NPIPB2: variants seen among roughly 807,000 people sequenced by gnomAD.
NPIPB2 encodes nuclear pore complex-interacting protein family member B2.
A neutral mutation model predicts 30.8 loss-of-function variants in NPIPB2; 27 were observed. The ratio of observed to expected loss-of-function variants is 0.88; its 90% CI spans 0.65 to 1.21. The LOEUF is 1.21. Ranked by LOEUF, NPIPB2 falls within the 50% of genes most tolerant of loss-of-function variation. The pLI is 0.00. For synonymous variants in NPIPB2, 147 were observed against 162.0 expected, an observed-to-expected ratio of 0.91 and a Z score of 0.70; for missense variants, 440 against 446.2, an observed-to-expected ratio of 0.99 and a Z score of 0.13.
intron 1 of NPIPB2, among the ~76,000 whole-genome samples, chr16:11,976,262 C>T (rs1335527337): frequency 6.6e-6 from 1 of 152,156 alleles, no homozygotes; most frequent in African/African-American, 2.4e-5. Context: ...TCCTGTCAAC[C>T]CCTCCAGGCA....
intron 4 of NPIPB2, among the ~76,000 whole-genome samples, chr16:11,933,299 C>G (rs1325247814): frequency 1.3e-5 from 2 of 151,090 alleles, no homozygotes; most frequent in Non-Finnish European, 2.9e-5. Context: ...AATGCCAGTA[C>G]TAGCAACTCC....
At chr16:11,931,799 G>C (rs539345739) in intron 4 of NPIPB2, among the ~76,000 whole-genome samples, 1 of 151,520 alleles carries the variant, frequency 6.6e-6, no homozygotes, top group Admixed American at 6.6e-5. Flanking sequence ...ACCCATGATT[G>C]AATACATCAA....
At position 11,965,171 on chromosome 16, in the gene NPIPB2, A is replaced by G. The variant is rs1442232738; in HGVS notation, c.-584+11397T>C. ...AAATCCTTAGCTGCCGCGAAGACACAGACAGCCCCCGTAAGAACCCACGAA... is the reference window on the plus strand; with the variant it reads ...AAATCCTTAGCTGCCGCGAAGACACGGACAGCCCCCGTAAGAACCCACGAA... On this transcript the variant is annotated intron_variant, in intron 1 of 5. Coordinates refer to the NPIPB2 transcript ENST00000538896. 9.0e-6 allele frequency: 8 copies of G among 888,822 alleles called. No homozygotes were observed. The African/African-American group carries it at 1.0e-4, about 11-fold the overall frequency. The allele number at this position is 888,822 out of a possible 1,614,324, so 55.1% of individuals were successfully genotyped here.
intron 1 of NPIPB2, among the ~76,000 whole-genome samples, chr16:11,947,691 A>C (rs1050849760): frequency 1.3e-5 from 2 of 152,036 alleles, no homozygotes; most frequent in African/African-American, 2.4e-5. Context: ...TTCTAGATGA[A>C]AAAAATAAAA....
intron 1 of NPIPB2, among the ~76,000 whole-genome samples, chr16:11,969,382 G>A (rs570889306): frequency 2.0e-5 from 3 of 152,030 alleles, no homozygotes; most frequent in Admixed American, 1.3e-4. Flanking sequence ...TCAGCCACCC[G>A]AGTAGCTGGG....
intron 1 of NPIPB2, among the ~76,000 whole-genome samples, chr16:11,960,902 C>T (rs942956556): frequency 6.6e-6 from 1 of 150,898 alleles, no homozygotes; most frequent in African/African-American, 2.4e-5. Flanking sequence ...GGTCTCACTC[C>T]GTAGCCCAGA....
intron 1 of NPIPB2, chr16:11,965,144 T>C (rs2055183023): frequency 5.7e-6 from 4 of 695,924 alleles, no homozygotes; most frequent in Non-Finnish European, 9.7e-6. Context: ...GATGTGGTAT[T>C]CAAATCCTTA....
chr16:11,975,443 G>C lies in NPIPB2; in HGVS notation c.-584+1125C>G, dbSNP rs184544241. 2.0e-3 allele frequency among the ~76,000 whole-genome samples: 306 copies of C among 151,918 alleles called. 2 individuals carry two copies. The highest frequency in any genetic ancestry group is 7.0e-3 in the African/African-American group (292 of 41,430). ...ATTACAGGCGTGAGCCACCGCGCCC[G>C]GCCAATCCATCACCTTTTCTATCTC... On this transcript the variant is annotated intron_variant, in intron 1 of 5. Transcript: ENST00000538896.
At chr16:11,973,363 T>C (rs2055247619) in intron 1 of NPIPB2, among the ~76,000 whole-genome samples, 1 of 152,216 alleles carries the variant, frequency 6.6e-6, no homozygotes, top group East Asian at 1.9e-4. Context: ...TTTATAGCCA[T>C]GATTTCCATA....
At chr16:11,962,279 T>C (rs1357748324) in intron 1 of NPIPB2, among the ~76,000 whole-genome samples, 7 of 148,566 alleles carry the variant, frequency 4.7e-5, no homozygotes, top group African/African-American at 1.7e-4. Flanking sequence ...GGCGGGTCGA[T>C]CACGAGGTGA....
At chr16:11,969,280 GAC>G (rs2055219609) in intron 1 of NPIPB2, among the ~76,000 whole-genome samples, 1 of 151,958 alleles carries the variant, frequency 6.6e-6, no homozygotes, top group African/African-American at 2.4e-5. Context: ...TATTTTTTGA[GAC>G]AGTCTCGCTC....
chr16:11,965,477 T>G (rs1271915533), intron 1 of NPIPB2: 6 of 1,612,728 alleles, frequency 3.7e-6, no homozygotes, highest in Non-Finnish European at 5.1e-6. Flanking sequence ...GCTTGAACGA[T>G]TATTCATTGG....
At chr16:11,941,736 T>C (rs185618856) in intron 1 of NPIPB2, 7 of 812,378 alleles carry the variant, frequency 8.6e-6, no homozygotes, top group Admixed American at 6.4e-5. Flanking sequence ...TGCCTCACAA[T>C]GGACATGCCA....
At chr16:11,940,169 G>T (rs1263033351) in intron 1 of NPIPB2, among the ~76,000 whole-genome samples, 3 of 96,148 alleles carry the variant, frequency 3.1e-5, no homozygotes, top group Admixed American at 3.0e-4. Flanking sequence ...TGACCAACAT[G>T]GAGAAACCTT....
intron 1 of NPIPB2, among the ~76,000 whole-genome samples, chr16:11,975,515 CAATAA>C (rs1366195017): frequency 1.3e-5 from 2 of 152,014 alleles, no homozygotes; most frequent in Non-Finnish European, 2.9e-5. Flanking sequence ...TGGACAACTG[CAATAA>C]CTCCTTAACC....
chr16:11,969,429 G>A (rs1167827717), intron 1 of NPIPB2, among the ~76,000 whole-genome samples: 1 of 151,812 alleles, frequency 6.6e-6, no homozygotes, highest in Non-Finnish European at 1.5e-5. Context: ...GCTAATTTTT[G>A]TATTTTTAGT....
At chr16:11,940,505 G>A (rs1309890075) in intron 1 of NPIPB2, among the ~76,000 whole-genome samples, 1 of 150,454 alleles carries the variant, frequency 6.6e-6, no homozygotes, top group Non-Finnish European at 1.5e-5. Context: ...CTGGGAGGCT[G>A]AGGCAGGCGG....
intron 1 of NPIPB2, among the ~76,000 whole-genome samples, chr16:11,964,433 A>G (rs565757193): frequency 1.4e-4 from 20 of 146,170 alleles, no homozygotes; most frequent in African/African-American, 5.1e-4. Context: ...TTTTTTTTTG[A>G]GATAGAGTCT....
chr16:11,966,132 A>C (rs2055191567), intron 1 of NPIPB2: 1 of 1,453,928 alleles, frequency 6.9e-7, no homozygotes, highest in East Asian at 2.4e-5. Context: ...ATAAATAATA[A>C]CAATAAAGTA....
Sources: allele counts gnomAD v4.1 joint callset (sites outside exome capture counted in the v4.1 genomes callset), GRCh38; gene constraint gnomAD v4.1.1; transcripts MANE v1.5; gene names NCBI Gene and HGNC (gene_info 2026-07-23, HGNC 2026-07-21).